Variants in GRIN2A observed in about 807,000 individuals in gnomAD.
GRIN2A encodes the protein glutamate receptor ionotropic, NMDA 2A.
Under a neutral mutation model 113.4 loss-of-function variants are expected in GRIN2A, and 22 were observed. That is an observed-to-expected ratio of 0.19 (90% confidence interval 0.14 to 0.28). GRIN2A has a LOEUF of 0.28. Ranked by LOEUF, GRIN2A falls within the 10% of genes least tolerant of loss-of-function variation. GRIN2A has a pLI of 1.00. For synonymous variants in GRIN2A, 827 were observed against 738.4 expected (o/e 1.12, Z -1.94); for missense variants, 1,502 against 1,887.0 (o/e 0.80, Z 3.78).
chr16:10,139,562 G>C (rs1199937861), intron 2 of GRIN2A, among the ~76,000 whole-genome samples: 1 of 152,190 alleles, frequency 6.6e-6, no homozygotes, highest in African/African-American at 2.4e-5. Context: ...CTCACACTTA[G>C]AGTAGTAAGG....
intron 2 of GRIN2A, among the ~76,000 whole-genome samples, chr16:10,036,589 C>T (rs1365314659): frequency 2.7e-5 from 4 of 150,326 alleles, no homozygotes; most frequent in East Asian, 1.9e-4. Flanking sequence ...TACAGGCACC[C>T]GCCACAACGC....
intron 12 of GRIN2A, among the ~76,000 whole-genome samples, chr16:9,766,869 T>A (rs905466424): frequency 1.3e-5 from 2 of 152,228 alleles, no homozygotes; most frequent in African/African-American, 4.8e-5. Context: ...CCACCAACAA[T>A]GCCTGCCCTG....
chr16:10,064,005 G>A (rs967506205), intron 2 of GRIN2A, among the ~76,000 whole-genome samples: 9 of 152,168 alleles, frequency 5.9e-5, no homozygotes, highest in Non-Finnish European at 1.3e-4. Flanking sequence ...GCAGTATGGT[G>A]AGAACAATAG....
intron 2 of GRIN2A, among the ~76,000 whole-genome samples, chr16:10,076,425 C>G (rs893135406): frequency 7.9e-5 from 12 of 152,118 alleles, no homozygotes; most frequent in African/African-American, 2.9e-4. Flanking sequence ...GACCTAAAAG[C>G]TAAAACAAGA....
intron 11 of GRIN2A, among the ~76,000 whole-genome samples, chr16:9,797,719 C>T (rs1391580187): frequency 6.6e-6 from 1 of 152,136 alleles, no homozygotes; most frequent in East Asian, 1.9e-4. Context: ...TAATTTTGTA[C>T]AGCAGCGTTT....
At chr16:10,156,571 G>A (rs1187580452) in intron 2 of GRIN2A, among the ~76,000 whole-genome samples, 1 of 152,106 alleles carries the variant, frequency 6.6e-6, no homozygotes, top group Non-Finnish European at 1.5e-5. Flanking sequence ...GTATAGAAGA[G>A]GAATAAATTC....
At chr16:9,987,324 T>A (rs554187427) in intron 2 of GRIN2A, among the ~76,000 whole-genome samples, 2 of 152,298 alleles carry the variant, frequency 1.3e-5, no homozygotes, top group African/African-American at 4.8e-5. Flanking sequence ...ATTTTGTAGG[T>A]GCATATGAAA....
intron 3 of GRIN2A, among the ~76,000 whole-genome samples, chr16:9,916,057 T>A (rs906690067): frequency 1.3e-4 from 20 of 152,182 alleles, no homozygotes; most frequent in Non-Finnish European, 1.8e-4. Flanking sequence ...TCTTCTGGAG[T>A]TGGAGGCATA....
chr16:9,885,262 AC>A (rs1179815811), intron 4 of GRIN2A, among the ~76,000 whole-genome samples: 1 of 152,020 alleles, frequency 6.6e-6, no homozygotes, highest in Non-Finnish European at 1.5e-5. Context: ...TGGCAGGAAG[AC>A]CCCTTACACC....
At chr16:9,785,878 G>C (rs2141194789) in intron 11 of GRIN2A, among the ~76,000 whole-genome samples, 1 of 152,308 alleles carries the variant, frequency 6.6e-6, no homozygotes, top group South Asian at 2.1e-4. Flanking sequence ...AATAGAGCAG[G>C]AGTGTTTAAT....
chr16:9,993,070 AC>A (rs397776329), intron 2 of GRIN2A, among the ~76,000 whole-genome samples: 2 of 150,306 alleles, frequency 1.3e-5, no homozygotes, highest in African/African-American at 2.5e-5. Context: ...ACAAAAAAAA[AC>A]CCCAAAAAAT....
At chr16:10,083,191 G>A (rs954558123) in intron 2 of GRIN2A, among the ~76,000 whole-genome samples, 2 of 152,264 alleles carry the variant, frequency 1.3e-5, no homozygotes, top group African/African-American at 4.8e-5. Context: ...AGAAGCTACA[G>A]TAGAGACAAT....
chr16:9,921,858 A>T (rs1188579406), intron 3 of GRIN2A, among the ~76,000 whole-genome samples: 1 of 152,240 alleles, frequency 6.6e-6, no homozygotes, highest in African/African-American at 2.4e-5. Context: ...TGCCTTTGCC[A>T]TGAGCCAGAC....
chr16:10,099,271 T>G (rs2048350386), intron 2 of GRIN2A, among the ~76,000 whole-genome samples: 1 of 152,164 alleles, frequency 6.6e-6, no homozygotes, highest in African/African-American at 2.4e-5. Context: ...ACTCAAAAGC[T>G]TGGTGTTTTC....
At chr16:10,014,871 A>G (rs181119709) in intron 2 of GRIN2A, among the ~76,000 whole-genome samples, 10 of 152,330 alleles carry the variant, frequency 6.6e-5, no homozygotes, top group Non-Finnish European at 2.9e-5. Flanking sequence ...CATGACATTT[A>G]TATTTCAGAA....
At chr16:10,049,880 C>A (rs561886422) in intron 2 of GRIN2A, among the ~76,000 whole-genome samples, 1 of 152,276 alleles carries the variant, frequency 6.6e-6, no homozygotes, top group South Asian at 2.1e-4. Flanking sequence ...TATTTGCTGA[C>A]TGAAAGGATG....
At chr16:10,072,034 C>T (rs1474430815) in intron 2 of GRIN2A, among the ~76,000 whole-genome samples, 3 of 152,188 alleles carry the variant, frequency 2.0e-5, no homozygotes, top group East Asian at 1.9e-4. Flanking sequence ...AGATTCTTCA[C>T]CAGAATGACC....
At chr16:9,876,204 G>A (rs1406104314) in intron 4 of GRIN2A, among the ~76,000 whole-genome samples, 2 of 152,132 alleles carry the variant, frequency 1.3e-5, no homozygotes, top group Non-Finnish European at 2.9e-5. Context: ...GCACTGGAAT[G>A]GCCTCTGGAA....
At chr16:10,101,121 C>T (rs1224878540) in intron 2 of GRIN2A, among the ~76,000 whole-genome samples, 1 of 152,240 alleles carries the variant, frequency 6.6e-6, no homozygotes. Flanking sequence ...TTCTGCCCAA[C>T]ATGGGGCTCC....
Sources: allele counts gnomAD v4.1 joint callset (sites outside exome capture counted in the v4.1 genomes callset), GRCh38; gene constraint gnomAD v4.1.1; transcripts MANE v1.5; gene names NCBI Gene and HGNC (gene_info 2026-07-23, HGNC 2026-07-21).